Variants in FOXP2 observed in about 807,000 individuals in gnomAD.
The protein encoded by FOXP2 is forkhead box protein P2.
In FOXP2, 12 loss-of-function variants were observed where a neutral mutation model predicts 115.8. The observed-to-expected ratio is 0.10, with a 90% confidence interval of 0.07 to 0.17. The LOEUF is 0.17. FOXP2 is among the 10% of genes least tolerant of loss of function. The pLI is 1.00. For synonymous variants in FOXP2, 328 were observed against 297.7 expected, an observed-to-expected ratio of 1.10 and a Z score of -1.05; for missense variants, 629 against 843.5, an observed-to-expected ratio of 0.75 and a Z score of 3.15.
At chr7:114,346,270 A>C (rs1791345419) in intron 2 of FOXP2, among the ~76,000 whole-genome samples, 2 of 151,840 alleles carry the variant, frequency 1.3e-5, no homozygotes, top group Admixed American at 1.3e-4. Context: ...AAATGGAATC[A>C]TCATATCAAG....
At chr7:114,421,508 T>C (rs924606763) in intron 1 of FOXP2, among the ~76,000 whole-genome samples, 1 of 151,728 alleles carries the variant, frequency 6.6e-6, no homozygotes, top group East Asian at 1.9e-4. Context: ...TTTACTAAAG[T>C]GTTTTTTTTT....
intron 16 of FOXP2, among the ~76,000 whole-genome samples, chr7:114,677,309 G>A (rs1015909585): frequency 1.3e-5 from 2 of 152,170 alleles, no homozygotes; most frequent in Non-Finnish European, 2.9e-5. Flanking sequence ...AGTGATGACA[G>A]TATATAAATA....
chr7:114,657,057 G>T (rs1806630176), intron 10 of FOXP2, among the ~76,000 whole-genome samples: 1 of 152,078 alleles, frequency 6.6e-6, no homozygotes, highest in Admixed American at 6.6e-5. Context: ...AAGTAAAAAG[G>T]ACCACAGATT....
rs141765783 is a variant in FOXP2 at position 114,343,395 on chromosome 7, A to G, written c.-11+55286A>G. ...CATTGCTGCTCATTTATGTGGGATG[A>G]AAACACTACAAAAAGGGAGGGATAA... On this transcript the variant is annotated intron_variant, in intron 2 of 17. Coordinates refer to the FOXP2 transcript ENST00000634411. Among the ~76,000 whole-genome samples the G allele has an allele frequency of 2.7e-3, 403 of 151,760 alleles. 3 individuals carry two copies. Among genetic ancestry groups the G allele is most frequent in the African/African-American group, 9.4e-3 (388 of 41,488 alleles).
intron 3 of FOXP2, among the ~76,000 whole-genome samples, chr7:114,575,081 A>G (rs1801507223): frequency 6.6e-6 from 1 of 151,786 alleles, no homozygotes; most frequent in Non-Finnish European, 1.5e-5. Context: ...CTCTCTCTTG[A>G]GGCTTTACAT....
At chr7:114,163,372 A>G (rs1792890621) in intron 1 of FOXP2, among the ~76,000 whole-genome samples, 5 of 151,912 alleles carry the variant, frequency 3.3e-5, no homozygotes, top group Non-Finnish European at 7.4e-5. Context: ...AAAGAAGGAA[A>G]TTTCCTTTGA....
chr7:114,108,317 C>A (rs991959073), intron 1 of FOXP2, among the ~76,000 whole-genome samples: 3 of 151,876 alleles, frequency 2.0e-5, no homozygotes, highest in Admixed American at 2.0e-4. Context: ...GTATCTGGCA[C>A]AAACTGTAGT....
chr7:114,241,157 T>C (rs928984919), intron 1 of FOXP2, among the ~76,000 whole-genome samples: 2 of 152,078 alleles, frequency 1.3e-5, no homozygotes, highest in African/African-American at 4.8e-5. Flanking sequence ...CAAGCACTTA[T>C]TGAGTGTTTA....
chr7:114,330,973 C>G (rs1797694898), intron 2 of FOXP2, among the ~76,000 whole-genome samples: 1 of 152,252 alleles, frequency 6.6e-6, no homozygotes, highest in Non-Finnish European at 1.5e-5. Flanking sequence ...AATATCTATT[C>G]TAATTTGTAG....
intron 16 of FOXP2, among the ~76,000 whole-genome samples, chr7:114,688,909 G>A (rs545650004): frequency 6.6e-6 from 1 of 152,226 alleles, no homozygotes; most frequent in African/African-American, 2.4e-5. Flanking sequence ...GCATATTAAT[G>A]AGAGATTGCG....
At chr7:114,162,285 A>G (rs567379191), upstream of FOXP2, among the ~76,000 whole-genome samples, 1 of 152,114 alleles carries the variant, frequency 6.6e-6, no homozygotes, top group Non-Finnish European at 1.5e-5. Context: ...CATCTTGTAA[A>G]TTTGTTTGAG....
chr7:114,624,751 T>C (rs886566334), intron 3 of FOXP2, among the ~76,000 whole-genome samples: 1 of 151,704 alleles, frequency 6.6e-6, no homozygotes, highest in African/African-American at 2.4e-5. Flanking sequence ...AATTTTAATA[T>C]AAACACATTT....
intron 2 of FOXP2, among the ~76,000 whole-genome samples, chr7:114,459,147 C>A (rs1054401591): frequency 2.6e-5 from 4 of 152,166 alleles, no homozygotes; most frequent in African/African-American, 9.7e-5. Context: ...GCAGCCAGTC[C>A]TCTTAAGAGC....
At chr7:114,112,242 A>G (rs13243235) in intron 1 of FOXP2, among the ~76,000 whole-genome samples, 30,959 of 152,106 alleles carry the variant, frequency 0.2, 4,045 homozygotes, top group Middle Eastern at 0.31. Flanking sequence ...ACAGAGAATC[A>G]GTGATGTAGG....
At chr7:114,677,882 C>A (rs186142876) in intron 16 of FOXP2, among the ~76,000 whole-genome samples, 2 of 152,262 alleles carry the variant, frequency 1.3e-5, no homozygotes. Context: ...ATTGGATAAA[C>A]ATTTATTGAA....
chr7:114,297,309 G>C, intron 2 of FOXP2: 1 of 564,334 alleles, frequency 1.8e-6, no homozygotes, highest in East Asian at 4.1e-5. Flanking sequence ...CATGTCCCAC[G>C]CAAACTTGGT....
rs113864121 is a variant in FOXP2 at position 114,168,152 on chromosome 7, A to G, written c.-102+5064A>G. 5.7e-3 allele frequency among the ~76,000 whole-genome samples: 869 copies of G among 152,242 alleles called. 8 individuals carry two copies. Among genetic ancestry groups the G allele is most frequent in the African/African-American group, 0.02 (812 of 41,536 alleles). ...GAGCAGTGTGAAAATGGACTAATAC[A>G]GTAAATTGGTATCAGTAAATGGGGC... On this transcript the variant is annotated intron_variant, in intron 1 of 17. Coordinates refer to the FOXP2 transcript ENST00000634411.
chr7:114,551,036 G>A (rs1800181010), intron 3 of FOXP2, among the ~76,000 whole-genome samples: 1 of 152,020 alleles, frequency 6.6e-6, no homozygotes, highest in Non-Finnish European at 1.5e-5. Flanking sequence ...TTATGTACTA[G>A]AAAGAGAGTT....
rs993565421 is a variant in FOXP2, at chr7:114,348,235, G to A, written c.-11+60126G>A. ...ATAATAGATTAGATCTTAATAATTA[G>A]ATCCCAATTACAGAAATGTAACTTT... On this transcript the variant is annotated intron_variant, in intron 2 of 17. Transcript: ENST00000634411. Among the ~76,000 whole-genome samples, 17 of 152,000 alleles carry A rather than the reference G, an allele frequency of 1.1e-4. 1 individual carries two copies. Among genetic ancestry groups the A allele is most frequent in the Admixed American group, 1.1e-3 (17 of 15,212 alleles).
Sources: gnomAD v4.1 joint callset for allele counts (sites outside exome capture counted in the v4.1 genomes callset) on GRCh38, gnomAD v4.1.1 for gene constraint, MANE v1.5 for transcripts, NCBI Gene and HGNC (gene_info 2026-07-23, HGNC 2026-07-21) for gene names.